SORL1: variants seen among roughly 807,000 people sequenced by gnomAD.
SORL1 encodes the protein sortilin related receptor 1, also known as sortilin-related receptor.
In SORL1, 127 loss-of-function variants were observed where a neutral mutation model predicts 273.7. The ratio of observed to expected loss-of-function variants is 0.46; its 90% CI spans 0.40 to 0.54. The LOEUF (loss-of-function observed/expected upper bound fraction) is 0.54, where lower values mean the gene tolerates loss of function less well. Among genes scored for constraint, SORL1 ranks in the 20% least tolerant of loss-of-function variants. The pLI is 0.00. For missense variants in SORL1, 2,494 were observed against 2,846.1 expected (o/e 0.88, Z 2.81); for synonymous variants, 1,031 against 1,067.4 (o/e 0.97, Z 0.66).
intron 31 of SORL1, among the ~76,000 whole-genome samples, chr11:121,594,634 T>C (rs1171855869): frequency 2.0e-5 from 3 of 152,210 alleles, no homozygotes. Flanking sequence ...ATTAAGGATA[T>C]TTGTTTTTGA....
In SORL1 at chr11:121,574,206, C is replaced by T. The variant is rs540270627; in HGVS notation, c.3338-35C>T. The T allele has an allele frequency of 9.3e-6, 15 of 1,608,134 alleles. No individual in the cohort carries two copies. In the South Asian group the frequency reaches 1.7e-4, roughly 18 times the overall value. On this transcript the variant is annotated intron_variant, in intron 23 of 47. Transcript: ENST00000260197. ...TTACATTTGTGGGAAATCAATTGTA[C>T]CTAAGGAATATGTTGTCTTTCTATC...
At chr11:121,592,491 G>A (rs903764144) in intron 31 of SORL1, among the ~76,000 whole-genome samples, 3 of 152,152 alleles carry the variant, frequency 2.0e-5, no homozygotes, top group East Asian at 1.9e-4. Context: ...CCTCTGTGGC[G>A]CTTTCACTGA....
At chr11:121,498,818 G>A (rs1350051381) in intron 6 of SORL1, among the ~76,000 whole-genome samples, 1 of 151,790 alleles carries the variant, frequency 6.6e-6, no homozygotes, top group Non-Finnish European at 1.5e-5. Flanking sequence ...GGAGGTTGCA[G>A]TGAGCCAAAA....
rs79370515 is a variant in SORL1, at chr11:121,600,781, G to A, written c.4520-3412G>A. ...TTTAGAGAACCTGTCCCCTGAAGGC[G>A]ACTAAGTTCTATTCTAAGTGCCTGT... On this transcript the variant is annotated intron_variant, in intron 32 of 47. Coordinates refer to ENST00000260197, the MANE Select transcript of SORL1 (RefSeq NM_003105.6). 5.5e-3 allele frequency among the ~76,000 whole-genome samples: 840 copies of A among 152,268 alleles called. 6 individuals are homozygous for A. Among genetic ancestry groups the A allele is most frequent in the African/African-American group, 0.019 (799 of 41,548 alleles).
At chr11:121,486,767 C>T (rs1246484598) in intron 3 of SORL1, among the ~76,000 whole-genome samples, 1 of 152,174 alleles carries the variant, frequency 6.6e-6, no homozygotes, top group Non-Finnish European at 1.5e-5. Context: ...CCGCGAGCCA[C>T]TGCGCCCGGC....
In SORL1 at chr11:121,619,805, A is replaced by G. The variant is rs1863695525; in HGVS notation, c.5777A>G (p.Lys1926Arg). 3.1e-6 allele frequency: 5 copies of G among 1,614,114 alleles called. No homozygotes were observed. The highest frequency in any genetic ancestry group is 4.2e-6 in the Non-Finnish European group (5 of 1,179,960). The stretch of plus-strand genomic sequence containing the variant: ...CCATCCTCTGACTACGTTGTAGTGA[A>G]GATGATCCCGGACAGCAGGCTTCCA... ...QGPSSDYVVV[K>R]MIPDSRLPPR... The change falls in exon 43 of 48, where the codon AAG (lysine) becomes AGG (arginine). Residue 1926 changes from lysine (K) to arginine (R), a missense_variant. Coordinates refer to ENST00000260197, the MANE Select transcript of SORL1 (RefSeq NM_003105.6).
intron 1 of SORL1, among the ~76,000 whole-genome samples, chr11:121,463,131 C>T (rs914945679): frequency 6.6e-6 from 1 of 152,058 alleles, no homozygotes; most frequent in Non-Finnish European, 1.5e-5. Flanking sequence ...TGCACATGGC[C>T]GTGTGTTTTC....
At chr11:121,612,694 A>G (rs553291574) in intron 39 of SORL1, 42 bp from the exon 40 acceptor site, 5 of 1,432,734 alleles carry the variant, frequency 3.5e-6, no homozygotes, top group Admixed American at 3.4e-5. Flanking sequence ...AGTGTGCCCC[A>G]TGACTAGCTG....
chr11:121,557,327 A>T lies in SORL1; in HGVS notation c.2585A>T (p.Asp862Val). Residue 862 changes from aspartate to valine, a missense_variant, in exon 19 of 48, where the codon GAT (aspartate) becomes GTT (valine). Transcript: ENST00000260197. ...TGTTTTTGTCAGGTAGCTAATCCAG[A>T]TGGCGACTTCCGACTCACAATCGTC... ...GFKKIEVANP[D>V]GDFRLTIVNS... 5 of 1,614,010 alleles carry T rather than the reference A, an allele frequency of 3.1e-6. No individual in the cohort carries two copies. The highest frequency in any genetic ancestry group is 4.2e-6 in the Non-Finnish European group (5 of 1,179,884).
intron 6 of SORL1, among the ~76,000 whole-genome samples, chr11:121,512,368 C>T (rs955773891): frequency 4.6e-5 from 7 of 152,154 alleles, no homozygotes; most frequent in African/African-American, 1.4e-4. Flanking sequence ...CTTGCTGTGA[C>T]TTAAAAATCT....
Position 121,572,916 on chromosome 11 carries a change from G to A in SORL1, c.3338-1325G>A, listed in dbSNP as rs150816289. Reference sequence around the variant, plus strand: ...AATAAGAGCTGCCAGGATGTCTAACGGCAGCATTGCTATTTGGCATTTCGT... The same window carrying A: ...AATAAGAGCTGCCAGGATGTCTAACAGCAGCATTGCTATTTGGCATTTCGT... On this transcript the variant is annotated intron_variant, in intron 23 of 47. Transcript: ENST00000260197. 2.5e-4 allele frequency among the ~76,000 whole-genome samples: 38 copies of A among 152,258 alleles called. 1 individual carries two copies. The South Asian group carries it at 2.9e-3, about 12-fold the overall frequency.
At chr11:121,457,545 C>G (rs1860927592) in intron 1 of SORL1, among the ~76,000 whole-genome samples, 1 of 152,166 alleles carries the variant, frequency 6.6e-6, no homozygotes, top group Non-Finnish European at 1.5e-5. Context: ...AACTTTAGCT[C>G]TAAATTATAT....
At chr11:121,517,923 T>C (rs1009843816) in intron 8 of SORL1, among the ~76,000 whole-genome samples, 1 of 152,224 alleles carries the variant, frequency 6.6e-6, no homozygotes, top group African/African-American at 2.4e-5. Flanking sequence ...TAAACTGCTA[T>C]GTGAAATGAG....
chr11:121,489,810 G>A (rs1412430242), intron 4 of SORL1, among the ~76,000 whole-genome samples: 3 of 152,230 alleles, frequency 2.0e-5, no homozygotes, highest in East Asian at 3.9e-4. Context: ...TGGAAGGCAA[G>A]TCCTACTCAT....
At chr11:121,625,394 A>C (rs1863781101) in intron 46 of SORL1, 117 bp downstream of exon 46, 2 of 848,656 alleles carry the variant, frequency 2.4e-6, no homozygotes, top group South Asian at 1.9e-5. Context: ...TCAGCTTAAA[A>C]GAAAATCATT....
intron 11 of SORL1, 32 bp downstream of exon 11, chr11:121,523,021 AC>A (rs1316556044): frequency 7.2e-7 from 1 of 1,385,016 alleles, no homozygotes; most frequent in Non-Finnish European, 1.0e-6. Context: ...CGTCCCCTCC[AC>A]CCTCATTCCC....
chr11:121,536,576 C>CT (rs147632353), intron 12 of SORL1, among the ~76,000 whole-genome samples: 47,996 of 142,798 alleles, frequency 0.34, 8,785 homozygotes, highest in Middle Eastern at 0.45. Context: ...ATTTTTATAT[C>CT]TTTTTTTTTT....
intron 6 of SORL1, among the ~76,000 whole-genome samples, chr11:121,497,849 G>T (rs1861654439): frequency 6.6e-6 from 1 of 152,200 alleles, no homozygotes; most frequent in Non-Finnish European, 1.5e-5. Context: ...TAACTGGGAG[G>T]TTACTCTGTT....
At position 121,555,310 on chromosome 11, in the gene SORL1, A is replaced by C. The variant is rs755744571; in HGVS notation, c.2563A>C (p.Lys855Gln). Reference protein sequence around the residue: ...LLYWVDAGFKKIEVANPDGDF... With the variant: ...LLYWVDAGFKQIEVANPDGDF... Reference sequence around the variant, plus strand: ...TTACTGGGTAGATGCAGGCTTCAAAAAGATTGAGGTATGTGTATTTTCGTG... The same window carrying C: ...TTACTGGGTAGATGCAGGCTTCAAACAGATTGAGGTATGTGTATTTTCGTG... The change falls in exon 18 of 48, where the codon AAG becomes CAG. Residue 855 changes from lysine (K) to glutamine (Q), a missense_variant. Physicochemically the swap from Lys to Gln is moderately conservative, Grantham distance 53 (BLOSUM62 1). This residue lies in a region of SORL1 where 1,609 missense variants were observed against 1,816.4 expected (regional missense o/e 0.89). Coordinates refer to ENST00000260197, the MANE Select transcript of SORL1 (RefSeq NM_003105.6). The C allele has an allele frequency of 2.5e-6, 4 of 1,613,682 alleles. No individual in the cohort carries two copies. In the South Asian group the frequency reaches 4.4e-5, roughly 18 times the overall value.
Sources: gnomAD v4.1 joint callset for allele counts (sites outside exome capture counted in the v4.1 genomes callset) on GRCh38, gnomAD v4.1.1 for gene constraint, gnomAD v4.1.1 regional missense constraint, MANE v1.5 for transcripts, NCBI Gene and HGNC (gene_info 2026-07-23, HGNC 2026-07-21) for gene names.